The following DLGAP2 variants were observed in gnomAD, a reference collection of about 807,000 sequenced individuals.
DLGAP2 encodes disks large-associated protein 2.
DLGAP2 carries 26 observed loss-of-function variants against 100.3 expected under a neutral mutation model. That is an observed-to-expected ratio of 0.26 (90% CI 0.19 to 0.36). The LOEUF (loss-of-function observed/expected upper bound fraction) is 0.36, where lower values mean the gene tolerates loss of function less well. Among genes scored for constraint, DLGAP2 ranks in the 10% least tolerant of loss-of-function variants. The probability of loss-of-function intolerance (pLI) is 1.00; values close to 1 mark genes in which losing one functional copy is unlikely to be tolerated. For missense variants in DLGAP2, 1,858 were observed against 1,453.2 expected, an observed-to-expected ratio of 1.28 and a Z score of -4.53; for synonymous variants, 886 against 630.1, an observed-to-expected ratio of 1.41 and a Z score of -6.08.
At chr8:1,639,332 A>G (rs867087078) in intron 8 of DLGAP2, among the ~76,000 whole-genome samples, 12 of 152,200 alleles carry the variant, frequency 7.9e-5, no homozygotes, top group East Asian at 3.9e-4. Flanking sequence ...GGGGAGTTCA[A>G]CACTGCCCCA....
chr8:846,904 T>C (rs1797081987), intron 1 of DLGAP2, among the ~76,000 whole-genome samples: 1 of 152,222 alleles, frequency 6.6e-6, no homozygotes, highest in African/African-American at 2.4e-5. Flanking sequence ...TGTTTAGGGT[T>C]ATTCTATCCA....
At chr8:1,358,555 C>G (rs1801906922) in intron 3 of DLGAP2, among the ~76,000 whole-genome samples, 1 of 152,136 alleles carries the variant, frequency 6.6e-6, no homozygotes, top group South Asian at 2.1e-4. Context: ...ACGCTGGAGA[C>G]CTCAAATCTA....
rs1801035423 is a variant in DLGAP2, at chr8:1,326,913, T to C, written c.106+68030T>C. 2.6e-5 allele frequency among the ~76,000 whole-genome samples: 4 copies of C among 152,140 alleles called. No homozygotes were observed. The South Asian group carries it at 8.3e-4, about 32-fold the overall frequency. ...GACAATACAGGGAGAAGAGAAAAAG[T>C]GGAAAAAACTGTTACATAAGATCAG... On this transcript the variant is annotated intron_variant, in intron 3 of 14. Coordinates refer to ENST00000637795, the MANE Select transcript of DLGAP2 (RefSeq NM_001346810.2).
intron 2 of DLGAP2, among the ~76,000 whole-genome samples, chr8:973,631 G>A (rs188114229): frequency 0.02 from 3,123 of 152,372 alleles, 114 homozygotes; most frequent in African/African-American, 0.07. Flanking sequence ...GGAGGTTGTA[G>A]TGAGCCGAGA....
At chr8:1,105,412 C>G (rs1804723956) in intron 2 of DLGAP2, among the ~76,000 whole-genome samples, 1 of 152,112 alleles carries the variant, frequency 6.6e-6, no homozygotes, top group South Asian at 2.1e-4. Flanking sequence ...CTCACCAGCA[C>G]CTGTGACTTT....
intron 2 of DLGAP2, among the ~76,000 whole-genome samples, chr8:1,195,964 G>A (rs926550585): frequency 2.0e-5 from 3 of 152,164 alleles, no homozygotes; most frequent in African/African-American, 7.2e-5. Flanking sequence ...CTCCATGTTT[G>A]GATTGTCACA....
chr8:1,326,598 C>A (rs531730927), intron 3 of DLGAP2, among the ~76,000 whole-genome samples: 1 of 150,724 alleles, frequency 6.6e-6, no homozygotes, highest in Non-Finnish European at 1.5e-5. Context: ...GGACACGGCG[C>A]GTGCTCGGTC....
chr8:966,390 A>G (rs1262071154), intron 2 of DLGAP2, among the ~76,000 whole-genome samples: 4 of 152,226 alleles, frequency 2.6e-5, no homozygotes, highest in African/African-American at 9.7e-5. Context: ...ATTTAAAAAG[A>G]TAAGTATCGA....
chr8:804,633 A>T (rs1462505272), intron 1 of DLGAP2, among the ~76,000 whole-genome samples: 2 of 152,216 alleles, frequency 1.3e-5, no homozygotes, highest in African/African-American at 4.8e-5. Context: ...CTAGCATAAG[A>T]AAAAAGTTCA....
intron 2 of DLGAP2, among the ~76,000 whole-genome samples, chr8:988,526 A>G (rs191235134): frequency 4.6e-5 from 7 of 151,956 alleles, no homozygotes; most frequent in Admixed American, 1.3e-4. Flanking sequence ...CTTGAAGAAA[A>G]CCCTCCCGGC....
chr8:1,460,570 C>CA (rs777208845), intron 3 of DLGAP2, among the ~76,000 whole-genome samples: 35 of 152,176 alleles, frequency 2.3e-4, no homozygotes, highest in Non-Finnish European at 4.6e-4. Flanking sequence ...ACGGTCTCTT[C>CA]ACTGATGGTT....
In DLGAP2 at chr8:1,619,515, C is replaced by G. The variant is rs144307054; in HGVS notation, c.1443-7225C>G. Reference sequence around the variant, plus strand: ...AATTTTTTGGTAAGTTTACCTTGTTCTTTTAAGAAAAATTTAAACAGTTGA... The same window carrying G: ...AATTTTTTGGTAAGTTTACCTTGTTGTTTTAAGAAAAATTTAAACAGTTGA... On this transcript the variant is annotated intron_variant, in intron 6 of 14. Coordinates refer to ENST00000637795, the MANE Select transcript of DLGAP2 (RefSeq NM_001346810.2). 1.3e-3 allele frequency among the ~76,000 whole-genome samples: 196 copies of G among 152,220 alleles called. 1 individual carries two copies. The highest frequency in any genetic ancestry group is 4.4e-3 in the African/African-American group (183 of 41,562).
chr8:752,946 T>C (rs1172695022), intron 1 of DLGAP2, among the ~76,000 whole-genome samples: 1 of 152,182 alleles, frequency 6.6e-6, no homozygotes, highest in African/African-American at 2.4e-5. Flanking sequence ...CGGTTCCCAA[T>C]TATTATCATG....
intron 3 of DLGAP2, among the ~76,000 whole-genome samples, chr8:1,272,210 G>A (rs1370679121): frequency 1.3e-5 from 2 of 152,160 alleles, no homozygotes; most frequent in Non-Finnish European, 1.5e-5. Flanking sequence ...CTCATTTTAG[G>A]TAAAATGTAG....
chr8:1,699,449 C>G (rs75839642), intron 14 of DLGAP2, among the ~76,000 whole-genome samples: 1 of 128,604 alleles, frequency 7.8e-6, no homozygotes, highest in African/African-American at 2.9e-5. Flanking sequence ...ATTAAAAATA[C>G]AAAAAAAAAA....
chr8:1,459,963 C>T (rs984726941), intron 3 of DLGAP2, among the ~76,000 whole-genome samples: 1 of 152,132 alleles, frequency 6.6e-6, no homozygotes, highest in African/African-American at 2.4e-5. Flanking sequence ...AAAAAGTACT[C>T]ACAGAGGTTC....
chr8:814,705 T>G (rs75867970), intron 1 of DLGAP2, among the ~76,000 whole-genome samples: 1 of 151,108 alleles, frequency 6.6e-6, no homozygotes, highest in Non-Finnish European at 1.5e-5. Flanking sequence ...AAAAAAAAAT[T>G]AGCTGGGCGT....
At chr8:1,200,944 T>A (rs912665276) in intron 2 of DLGAP2, among the ~76,000 whole-genome samples, 1 of 152,076 alleles carries the variant, frequency 6.6e-6, no homozygotes, top group African/African-American at 2.4e-5. Context: ...TCCAGGAGCG[T>A]GTTGTGCACG....
intron 1 of DLGAP2, among the ~76,000 whole-genome samples, chr8:778,378 G>A (rs1330597943): frequency 9.2e-5 from 14 of 152,296 alleles, no homozygotes; most frequent in Admixed American, 3.3e-4. Flanking sequence ...GCTTTGTTCC[G>A]TTGCTGGTGA....
Sources: allele counts gnomAD v4.1 joint callset (sites outside exome capture counted in the v4.1 genomes callset), GRCh38; gene constraint gnomAD v4.1.1; transcripts MANE v1.5; gene names NCBI Gene and HGNC (gene_info 2026-07-23, HGNC 2026-07-21).